The following SCN7A variants were observed in gnomAD, a reference collection of about 807,000 sequenced individuals.
The protein encoded by SCN7A is sodium voltage-gated channel alpha subunit 7.
Under a neutral mutation model 155.2 loss-of-function variants are expected in SCN7A, and 138 were observed. The observed-to-expected ratio is 0.89, with a 90% CI of 0.77 to 1.02. The LOEUF (loss-of-function observed/expected upper bound fraction) is 1.02, where lower values mean the gene tolerates loss of function less well. Ranked by LOEUF, SCN7A falls within the 50% of genes least tolerant of loss-of-function variation. The pLI, the probability that SCN7A is intolerant of heterozygous loss-of-function variation, is 0.00. For missense variants in SCN7A, 2,058 were observed against 1,986.6 expected, an observed-to-expected ratio of 1.04 and a Z score of -0.68; for synonymous variants, 693 against 649.0, an observed-to-expected ratio of 1.07 and a Z score of -1.03.
At chr2:166,448,640 G>A (rs34114198) in intron 11 of SCN7A, among the ~76,000 whole-genome samples, 20,882 of 152,074 alleles carry the variant, frequency 0.14, 1,550 homozygotes, top group Middle Eastern at 0.16. Context: ...ACTGATTTAG[G>A]AGTTCTTAAA....
At chr2:166,478,283 A>G (rs1403525633) in intron 2 of SCN7A, among the ~76,000 whole-genome samples, 1 of 150,602 alleles carries the variant, frequency 6.6e-6, no homozygotes, top group African/African-American at 2.4e-5. Context: ...CGTATACCCT[A>G]GAACTTAAAG....
intron 13 of SCN7A, among the ~76,000 whole-genome samples, chr2:166,444,507 C>G (rs1702021535): frequency 1.3e-5 from 2 of 152,126 alleles, no homozygotes; most frequent in Admixed American, 6.6e-5. Context: ...ATGTAACTGC[C>G]AAGCATCTGG....
At chr2:166,492,615 C>T (rs1226840840) in intron 1 of SCN7A, among the ~76,000 whole-genome samples, 2 of 152,156 alleles carry the variant, frequency 1.3e-5, no homozygotes, top group Non-Finnish European at 2.9e-5. Flanking sequence ...TTAGAATATG[C>T]TTTAAACTGT....
Position 166,465,822 on chromosome 2 carries a change from T to G in SCN7A, c.830A>C (p.Glu277Ala), listed in dbSNP as rs1193162303. 1 of 1,613,936 alleles carries G rather than the reference T, an allele frequency of 6.2e-7. No homozygotes were observed. Among genetic ancestry groups the G allele is most frequent in the East Asian group, 2.2e-5 (1 of 44,848 alleles). Reference sequence around the variant, plus strand: ...GTTTCCAGTTCTGTTGTGCAGGGTTTCATTTTCATTCTCTTGGGGCCATCG... The same window carrying G: ...GTTTCCAGTTCTGTTGTGCAGGGTTGCATTTTCATTCTCTTGGGGCCATCG... The part of the protein sequence containing the change: ...CFRWPQENEN[E>A]TLHNRTGNPY... The change falls in exon 8 of 26, where the codon GAA (glutamate) becomes GCA (alanine). Residue 277 changes from glutamate to alanine, a missense_variant. Glu to Ala is a moderately radical substitution (Grantham distance 107, BLOSUM62 -1). Coordinates refer to ENST00000643258, the MANE Select transcript of SCN7A (RefSeq NM_002976.4).
rs749768762 is a variant in SCN7A, at chr2:166,432,298, A to G, written c.2592+20T>C. 1 of 1,561,394 alleles carries G rather than the reference A, an allele frequency of 6.4e-7. No individual in the cohort carries two copies. Among genetic ancestry groups the G allele is most frequent in the Non-Finnish European group, 8.7e-7 (1 of 1,153,192 alleles). ...TACTATAAATCACCACTAAGCAATC[A>G]GGATATTTAAACATCTTACCTCTTT... On this transcript the variant is annotated intron_variant, in intron 16 of 25. Transcript: ENST00000643258.
Position 166,413,126 on chromosome 2 carries a change from A to G in SCN7A, c.3415-5T>C. 1 of 1,496,154 alleles carries G rather than the reference A, an allele frequency of 6.7e-7. No individual in the cohort carries two copies. The allele number at this position is 1,496,154 out of a possible 1,614,324, so 92.7% of individuals were successfully genotyped here. A position where few individuals can be genotyped will look rare whatever the true frequency, so the allele number is the denominator to read the frequency against. Reference sequence around the variant, plus strand: ...GATCCATCCATTAAATGTTGCCTGTAAAAATAAAATGCATTTAAAATTTAT... The same window carrying G: ...GATCCATCCATTAAATGTTGCCTGTGAAAATAAAATGCATTTAAAATTTAT... On this transcript the variant is annotated splice_region_variant and splice_polypyrimidine_tract_variant and intron_variant, in intron 21 of 25. Coordinates refer to ENST00000643258, the MANE Select transcript of SCN7A (RefSeq NM_002976.4).
intron 2 of SCN7A, among the ~76,000 whole-genome samples, chr2:166,478,763 A>G (rs886870261): frequency 8.6e-5 from 13 of 151,952 alleles, no homozygotes; most frequent in African/African-American, 3.1e-4. Context: ...TTGTAATTCT[A>G]TCTTTGGGGT....
chr2:166,473,810 T>C lies in SCN7A; in HGVS notation c.432A>G (p.Arg144=). ...FMSLTNLPKW[R]PVLENTLLGI... is the part of the protein sequence containing the mutation. ...ATTATATAACATACTCTAATACTGGTCTCCATTTTGGCAAATTAGTCAGGG... is the reference window on the plus strand; with the variant it reads ...ATTATATAACATACTCTAATACTGGCCTCCATTTTGGCAAATTAGTCAGGG... Residue 144 remains arginine, a synonymous_variant, in exon 5 of 26, where the codon AGA becomes AGG. Coordinates refer to ENST00000643258, the MANE Select transcript of SCN7A (RefSeq NM_002976.4). 2 of 1,450,568 alleles carry C rather than the reference T, an allele frequency of 1.4e-6. No homozygotes were observed. Among genetic ancestry groups the C allele is most frequent in the Non-Finnish European group, 1.9e-6 (2 of 1,055,626 alleles). 89.9% of individuals were successfully genotyped at this position (1,450,568 alleles called of 1,614,324 possible).
intron 11 of SCN7A, among the ~76,000 whole-genome samples, chr2:166,450,970 C>A (rs191488493): frequency 6.6e-6 from 1 of 152,064 alleles, no homozygotes; most frequent in African/African-American, 2.4e-5. Context: ...TAAGATCCGA[C>A]GGGGATTTCT....
chr2:166,424,654 G>A (rs1575014338), intron 18 of SCN7A, among the ~76,000 whole-genome samples: 1 of 151,916 alleles, frequency 6.6e-6, no homozygotes. Flanking sequence ...AAATATATAA[G>A]GCAAAACTGA....
intron 14 of SCN7A, 39 bp from the exon 15 acceptor site, chr2:166,441,791 G>A (rs1178849682): frequency 1.3e-6 from 2 of 1,501,256 alleles, no homozygotes; most frequent in Admixed American, 2.0e-5. Flanking sequence ...AGAAACAAAT[G>A]ACAAAAAACT....
intron 2 of SCN7A, among the ~76,000 whole-genome samples, chr2:166,481,828 G>A (rs1702934215): frequency 6.6e-6 from 1 of 152,118 alleles, no homozygotes; most frequent in African/African-American, 2.4e-5. Flanking sequence ...GTATCCGAAT[G>A]GTTCTAATGT....
intron 6 of SCN7A, 46 bp from the exon 7 acceptor site, chr2:166,470,752 G>A (rs1453702991): frequency 2.7e-6 from 4 of 1,496,672 alleles, no homozygotes; most frequent in African/African-American, 1.4e-5. Flanking sequence ...TTACATCTGT[G>A]CTACTTATTC....
intron 20 of SCN7A, among the ~76,000 whole-genome samples, chr2:166,418,184 G>A (rs563955201): frequency 9.5e-5 from 14 of 147,458 alleles, no homozygotes; most frequent in African/African-American, 3.5e-4. Context: ...GCAATGGCCC[G>A]ATCTTGGCTC....
At chr2:166,452,084 C>G (rs1000010040) in intron 11 of SCN7A, among the ~76,000 whole-genome samples, 4 of 152,032 alleles carry the variant, frequency 2.6e-5, no homozygotes, top group African/African-American at 9.7e-5. Flanking sequence ...AACATCATTA[C>G]AGTTGATTTG....
At chr2:166,455,257 AT>A (rs1223736282) in intron 11 of SCN7A, among the ~76,000 whole-genome samples, 1 of 152,048 alleles carries the variant, frequency 6.6e-6, no homozygotes, top group Non-Finnish European at 1.5e-5. Context: ...ATATTTTTTG[AT>A]CTTCTGATTA....
intron 18 of SCN7A, among the ~76,000 whole-genome samples, chr2:166,425,197 G>A (rs1701596728): frequency 6.6e-6 from 1 of 152,102 alleles, no homozygotes; most frequent in African/African-American, 2.4e-5. Flanking sequence ...AATAGGGTAG[G>A]TGTCTTTTAA....
chr2:166,459,213 T>C (rs761995010), intron 10 of SCN7A, among the ~76,000 whole-genome samples: 6 of 152,116 alleles, frequency 3.9e-5, no homozygotes, highest in Admixed American at 2.6e-4. Flanking sequence ...ATGCCTGAAT[T>C]CAGAACTTTT....
chr2:166,468,710 G>GAT (rs1311165078), intron 7 of SCN7A, among the ~76,000 whole-genome samples: 1 of 151,626 alleles, frequency 6.6e-6, no homozygotes, highest in Non-Finnish European at 1.5e-5. Flanking sequence ...ATTCTGAAAA[G>GAT]ATACACATGT....
Sources: allele counts gnomAD v4.1 joint callset (sites outside exome capture counted in the v4.1 genomes callset), GRCh38; gene constraint gnomAD v4.1.1; transcripts MANE v1.5; gene names NCBI Gene and HGNC (gene_info 2026-07-23, HGNC 2026-07-21).